The following PDE3B variants were observed in gnomAD, a reference collection of about 807,000 sequenced individuals.
PDE3B encodes phosphodiesterase 3B.
Under a neutral mutation model 116.8 loss-of-function variants are expected in PDE3B, and 66 were observed. The observed-to-expected ratio is 0.56, with a 90% CI of 0.46 to 0.69. The LOEUF (loss-of-function observed/expected upper bound fraction) is 0.69. PDE3B is among the 30% of genes least tolerant of loss of function. The pLI, the probability that PDE3B is intolerant of heterozygous loss-of-function variation, is 0.00. For synonymous variants in PDE3B, 595 were observed against 533.6 expected (o/e 1.12, Z -1.59); for missense variants, 1,384 against 1,368.1 (o/e 1.01, Z -0.18).
chr11:14,732,613 T>A (rs1026100085), intron 1 of PDE3B, among the ~76,000 whole-genome samples: 7 of 152,352 alleles, frequency 4.6e-5, no homozygotes, highest in African/African-American at 1.7e-4. Flanking sequence ...CATCTGTGTT[T>A]GCCAAATCAA....
At chr11:14,864,976 A>C (rs1251876086) in intron 14 of PDE3B, among the ~76,000 whole-genome samples, 1 of 152,168 alleles carries the variant, frequency 6.6e-6, no homozygotes, top group Non-Finnish European at 1.5e-5. Context: ...AGAAGACAAG[A>C]AATAACTAAG....
At chr11:14,791,055 T>A (rs548719210) in intron 4 of PDE3B, among the ~76,000 whole-genome samples, 1 of 152,122 alleles carries the variant, frequency 6.6e-6, no homozygotes, top group African/African-American at 2.4e-5. Context: ...TTAAATGTGA[T>A]TTAATTCTTA....
the PDE3B span, among the ~76,000 whole-genome samples, chr11:14,897,795 T>C: frequency 1.3e-5 from 2 of 152,122 alleles, no homozygotes; most frequent in African/African-American, 2.4e-5. Flanking sequence ...CCCACCCTCC[T>C]CAGGCCTGCT....
chr11:14,664,583 A>C (rs974119081), intron 1 of PDE3B, among the ~76,000 whole-genome samples: 7 of 152,202 alleles, frequency 4.6e-5, no homozygotes, highest in Non-Finnish European at 5.9e-5. Context: ...GATAAAGGGG[A>C]TATCACCACC....
intron 1 of PDE3B, among the ~76,000 whole-genome samples, chr11:14,724,037 T>C (rs1351465350): frequency 6.6e-6 from 1 of 152,170 alleles, no homozygotes; most frequent in Admixed American, 6.5e-5. Context: ...AATATGGACA[T>C]TGTAGACATG....
At chr11:14,654,985 T>G (rs1252846661) in intron 1 of PDE3B, among the ~76,000 whole-genome samples, 1 of 151,850 alleles carries the variant, frequency 6.6e-6, no homozygotes, top group Non-Finnish European at 1.5e-5. Context: ...ACAGGACAAA[T>G]ACTTAAAGCA....
Position 14,859,176 on chromosome 11 carries a change from T to C in PDE3B, c.2654T>C (p.Leu885Ser), listed in dbSNP as rs1555006653. ...DHVEFKRFRF[L>S]VIEAILATDL... ...GTGGAATTCAAGCGCTTTCGTTTTT[T>C]AGTCATTGAAGCAATCCTTGCTACG... The change falls in exon 13 of 16, where the codon TTA becomes TCA. Residue 885 changes from leucine (L) to serine (S), a missense_variant. This residue lies in a region of PDE3B where 428 missense variants were observed against 561.4 expected (regional missense o/e 0.76). Coordinates refer to ENST00000282096, the MANE Select transcript of PDE3B (RefSeq NM_000922.4). The C allele has an allele frequency of 1.2e-6, 2 of 1,613,802 alleles. No homozygotes were observed. Among genetic ancestry groups the C allele is most frequent in the Admixed American group, 1.7e-5 (1 of 60,012 alleles).
Position 14,644,168 on chromosome 11 carries a change from C to T in PDE3B, c.93C>T (p.Tyr31=), listed in dbSNP as rs778023441. 2.5e-6 allele frequency: 4 copies of T among 1,595,830 alleles called. No individual in the cohort carries two copies. Among genetic ancestry groups the T allele is most frequent in the East Asian group, 4.5e-5 (2 of 44,006 alleles). The change falls in exon 1 of 16, where the codon TAC becomes TAT. Residue 31 remains tyrosine, a synonymous_variant. Coordinates refer to ENST00000282096, the MANE Select transcript of PDE3B (RefSeq NM_000922.4). ...GSPPESLRNG[Y]VKSCVSPLRQ... ...CCCCCGAGAGTCTGAGGAACGGCTACGTGAAGAGCTGCGTGAGCCCCTTGC... is the reference window on the plus strand; with the variant it reads ...CCCCCGAGAGTCTGAGGAACGGCTATGTGAAGAGCTGCGTGAGCCCCTTGC...
At chr11:14,721,305 A>T (rs1386780648) in intron 1 of PDE3B, among the ~76,000 whole-genome samples, 1 of 152,104 alleles carries the variant, frequency 6.6e-6, no homozygotes, top group East Asian at 1.9e-4. Context: ...GAGAAATAGG[A>T]ACACTTTTAC....
rs1227843848 is a variant in PDE3B at position 14,870,548 on chromosome 11, A to G, written c.*888A>G. On this transcript the variant is annotated 3_prime_UTR_variant, in exon 16 of 16. Transcript: ENST00000282096. The surrounding 1 kb of genome is among the most constrained non-coding windows in gnomAD (Gnocchi z 4.1). ...AGAAAAAAAATTTGCTGTAATACCAAAACTAACCTCATCAAAGATACAGAA... is the reference window on the plus strand; with the variant it reads ...AGAAAAAAAATTTGCTGTAATACCAGAACTAACCTCATCAAAGATACAGAA... 7 of 152,626 alleles carry G rather than the reference A, an allele frequency of 4.6e-5. No individual in the cohort carries two copies. The highest frequency in any genetic ancestry group is 1.7e-4 in the African/African-American group (7 of 41,462). The allele number at this position is 152,626 out of a possible 1,614,324, so 9.5% of individuals were successfully genotyped here. A position where few individuals can be genotyped will look rare whatever the true frequency, so the allele number is the denominator to read the frequency against.
intron 1 of PDE3B, among the ~76,000 whole-genome samples, chr11:14,743,668 T>C (rs1188901159): frequency 1.3e-5 from 2 of 152,210 alleles, no homozygotes; most frequent in Non-Finnish European, 2.9e-5. Flanking sequence ...GTTTTGTGCT[T>C]GAAACCCAGG....
chr11:14,805,945 A>G (rs991037996), intron 5 of PDE3B, among the ~76,000 whole-genome samples: 1 of 152,216 alleles, frequency 6.6e-6, no homozygotes, highest in Non-Finnish European at 1.5e-5. Flanking sequence ...CAATGAGATA[A>G]TATCTCACGC....
At chr11:14,740,028 C>T (rs577932619) in intron 1 of PDE3B, among the ~76,000 whole-genome samples, 5 of 152,216 alleles carry the variant, frequency 3.3e-5, no homozygotes, top group South Asian at 2.1e-4. Flanking sequence ...AGAATTTTTG[C>T]ATCGATGTTC....
intron 1 of PDE3B, among the ~76,000 whole-genome samples, chr11:14,689,869 A>G (rs140666810): frequency 4.6e-5 from 7 of 152,288 alleles, no homozygotes; most frequent in Admixed American, 2.0e-4. Flanking sequence ...AGGCATTTCA[A>G]TATTGCCATT....
intron 1 of PDE3B, among the ~76,000 whole-genome samples, chr11:14,752,074 G>C (rs1857071150): frequency 6.6e-6 from 1 of 152,116 alleles, no homozygotes. Context: ...AGTGGTACTT[G>C]CTACACTCAT....
intron 4 of PDE3B, among the ~76,000 whole-genome samples, chr11:14,803,552 A>G (rs1858832941): frequency 6.6e-6 from 1 of 152,220 alleles, no homozygotes; most frequent in South Asian, 2.1e-4. Flanking sequence ...CCTATGTTTT[A>G]AGAAACCTTC....
At chr11:14,801,877 G>A (rs1430291818) in intron 4 of PDE3B, among the ~76,000 whole-genome samples, 1 of 152,244 alleles carries the variant, frequency 6.6e-6, no homozygotes, top group Non-Finnish European at 1.5e-5. Flanking sequence ...GCCTTGCTGA[G>A]CTGCAGTGGG....
chr11:14,657,767 A>G (rs975550354), intron 1 of PDE3B, among the ~76,000 whole-genome samples: 7 of 152,226 alleles, frequency 4.6e-5, no homozygotes, highest in African/African-American at 7.2e-5. Context: ...AAAAGTGAAG[A>G]TTATATTTTA....
At chr11:14,890,294 A>G in the PDE3B span, 4 of 213,494 alleles carry the variant, frequency 1.9e-5, no homozygotes, top group Non-Finnish European at 3.2e-5. Flanking sequence ...ATGCTTTCAC[A>G]TTTTATTTCT....
Sources: allele counts gnomAD v4.1 joint callset (sites outside exome capture counted in the v4.1 genomes callset), GRCh38; gene constraint gnomAD v4.1.1; regional missense constraint gnomAD v4.1.1; non-coding constraint Gnocchi (gnomAD v3.1); transcripts MANE v1.5; gene names NCBI Gene and HGNC (gene_info 2026-07-23, HGNC 2026-07-21).